Variants in SMC6 observed in about 807,000 individuals in gnomAD.
SMC6 encodes the protein structural maintenance of chromosomes 6, also known as structural maintenance of chromosomes protein 6.
In SMC6, 79 loss-of-function variants were observed where a neutral mutation model predicts 142.2. The observed-to-expected ratio is 0.56, with a 90% CI of 0.46 to 0.67. SMC6 has a LOEUF of 0.67. Among genes scored for constraint, SMC6 ranks in the 30% least tolerant of loss-of-function variants. SMC6 has a pLI of 0.00. For synonymous variants in SMC6, 411 were observed against 412.4 expected (o/e 1.00, Z 0.04); for missense variants, 1,072 against 1,284.0 (o/e 0.83, Z 2.52).
At chr2:17,737,407 C>T (rs1165310606) in intron 5 of SMC6, among the ~76,000 whole-genome samples, 1 of 152,154 alleles carries the variant, frequency 6.6e-6, no homozygotes, top group Non-Finnish European at 1.5e-5. Context: ...TGGGAGTAGC[C>T]TCATGCTAGA....
At chr2:17,701,941 T>A (rs1558345999) in intron 19 of SMC6, 32 bp from the exon 20 acceptor site, 2 of 1,195,796 alleles carry the variant, frequency 1.7e-6, no homozygotes, top group Admixed American at 4.8e-5. Flanking sequence ...TTTAGTAACA[T>A]AAAAAAAAAT....
At chr2:17,693,378 A>C (rs560214768) in intron 23 of SMC6, among the ~76,000 whole-genome samples, 2 of 152,344 alleles carry the variant, frequency 1.3e-5, no homozygotes, top group East Asian at 3.9e-4. Flanking sequence ...AAAAATGACG[A>C]GTTCATGTCC....
At chr2:17,693,227 T>C (rs945814963) in intron 23 of SMC6, among the ~76,000 whole-genome samples, 3 of 152,190 alleles carry the variant, frequency 2.0e-5, no homozygotes, top group Non-Finnish European at 4.4e-5. Context: ...TTATAAAACA[T>C]GCTGCTATAA....
chr2:17,682,369 C>T (rs972244654), intron 24 of SMC6, among the ~76,000 whole-genome samples: 1 of 152,148 alleles, frequency 6.6e-6, no homozygotes, highest in Non-Finnish European at 1.5e-5. Context: ...ACCAATGCCC[C>T]ACACTGCTCT....
At chr2:17,673,643 C>T (rs558642363) in intron 25 of SMC6, among the ~76,000 whole-genome samples, 4 of 145,970 alleles carry the variant, frequency 2.7e-5, no homozygotes, top group East Asian at 2.0e-4. Flanking sequence ...GATCTCGGTT[C>T]GCTGCAACCT....
intron 2 of SMC6, among the ~76,000 whole-genome samples, chr2:17,752,577 G>T (rs1437237439): frequency 1.3e-5 from 2 of 152,106 alleles, no homozygotes; most frequent in Admixed American, 1.3e-4. Context: ...TATACTAGTG[G>T]CCTCCAAACG....
At chr2:17,752,475 TAAG>T (rs986995136) in intron 2 of SMC6, among the ~76,000 whole-genome samples, 4 of 152,148 alleles carry the variant, frequency 2.6e-5, no homozygotes, top group African/African-American at 7.2e-5. Context: ...CCAACTTGCA[TAAG>T]AAGAACTGAA....
intron 2 of SMC6, among the ~76,000 whole-genome samples, chr2:17,750,229 A>C (rs1670956041): frequency 6.6e-6 from 1 of 152,222 alleles, no homozygotes; most frequent in South Asian, 2.1e-4. Context: ...TAGTAGCAGA[A>C]GAGATGAGTT....
chr2:17,747,115 C>T (rs1041824083), intron 2 of SMC6, among the ~76,000 whole-genome samples: 2 of 152,092 alleles, frequency 1.3e-5, no homozygotes, highest in African/African-American at 4.8e-5. Context: ...ATGGTGTCAG[C>T]GGAGACCACC....
intron 18 of SMC6, among the ~76,000 whole-genome samples, chr2:17,705,304 C>T (rs575645550): frequency 1.9e-4 from 29 of 151,290 alleles, no homozygotes; most frequent in East Asian, 9.8e-4. Flanking sequence ...AGGCTGGGTG[C>T]GGTGGCTTAC....
chr2:17,720,445 A>G (rs1044414748), intron 11 of SMC6, among the ~76,000 whole-genome samples: 2 of 152,168 alleles, frequency 1.3e-5, no homozygotes, highest in Non-Finnish European at 2.9e-5. Flanking sequence ...CCTTCCATCT[A>G]TATGAAATCC....
chr2:17,666,588 G>T, intron 26 of SMC6, 71 bp from the exon 27 acceptor site: 1 of 1,112,326 alleles, frequency 9.0e-7, no homozygotes, highest in Non-Finnish European at 1.4e-6. Context: ...GCATTCTGTG[G>T]GCTGATACAA....
At position 17,731,068 on chromosome 2, in the gene SMC6, C is replaced by T. The variant is rs147083003; in HGVS notation, c.543+10G>A. ...TATGAATTAATCTGAAACACAAATT[C>T]ACCAATTACCTGGATGTTAAAATGA... On this transcript the variant is annotated intron_variant, in intron 7 of 27. Coordinates refer to ENST00000448223, the MANE Select transcript of SMC6 (RefSeq NM_001142286.2). The T allele has an allele frequency of 7.8e-3, 12,492 of 1,604,892 alleles. 856 individuals are homozygous for T. The Admixed American group carries it at 0.15, about 19-fold the overall frequency.
intron 19 of SMC6, 48 bp from the exon 20 acceptor site, chr2:17,701,957 C>A: frequency 2.0e-6 from 2 of 982,094 alleles, no homozygotes; most frequent in Non-Finnish European, 1.5e-6. Flanking sequence ...AAAATTTAAA[C>A]CGAAAACCTT....
At chr2:17,747,370 C>T (rs1311387630) in intron 2 of SMC6, among the ~76,000 whole-genome samples, 2 of 152,140 alleles carry the variant, frequency 1.3e-5, no homozygotes, top group East Asian at 1.9e-4. Flanking sequence ...TCTCTTTGTC[C>T]GCAGTCCAAT....
intron 9 of SMC6, among the ~76,000 whole-genome samples, chr2:17,722,009 C>T (rs1669396326): frequency 6.6e-6 from 1 of 152,142 alleles, no homozygotes; most frequent in Non-Finnish European, 1.5e-5. Context: ...CCTGGGTAGA[C>T]AGCCTCTACC....
chr2:17,695,871 C>T (rs1475108215), intron 22 of SMC6, among the ~76,000 whole-genome samples: 1 of 152,144 alleles, frequency 6.6e-6, no homozygotes, highest in East Asian at 1.9e-4. Context: ...TCAATTTATT[C>T]TCCTCTAAAC....
At chr2:17,685,474 C>T (rs1007273392) in intron 23 of SMC6, among the ~76,000 whole-genome samples, 1 of 152,076 alleles carries the variant, frequency 6.6e-6, no homozygotes, top group Non-Finnish European at 1.5e-5. Flanking sequence ...TTCTTATCAA[C>T]TTGTAAAACA....
At chr2:17,695,808 A>C (rs1256489635) in intron 22 of SMC6, among the ~76,000 whole-genome samples, 1 of 152,236 alleles carries the variant, frequency 6.6e-6, no homozygotes, top group Non-Finnish European at 1.5e-5. Context: ...ATTTTCCTTA[A>C]GATATAAATG....
Sources: gnomAD v4.1 joint callset for allele counts (sites outside exome capture counted in the v4.1 genomes callset) on GRCh38, gnomAD v4.1.1 for gene constraint, MANE v1.5 for transcripts, NCBI Gene and HGNC (gene_info 2026-07-23, HGNC 2026-07-21) for gene names.